Variants in MSH3 observed in about 807,000 individuals in gnomAD.
MSH3 encodes DNA mismatch repair protein Msh3.
In MSH3, 106 loss-of-function variants were observed where a neutral mutation model predicts 123.3. That is an observed-to-expected ratio of 0.86 (90% CI 0.73 to 1.01). MSH3 has a LOEUF of 1.01. Among genes scored for constraint, MSH3 ranks in the 50% least tolerant of loss-of-function variants. MSH3 has a pLI of 0.00. For synonymous variants in MSH3, 515 were observed against 481.4 expected (o/e 1.07, Z -0.91); for missense variants, 1,459 against 1,347.6 (o/e 1.08, Z -1.29).
chr5:80,690,947 C>T (rs967244904), intron 8 of MSH3, among the ~76,000 whole-genome samples: 5 of 151,832 alleles, frequency 3.3e-5, no homozygotes, highest in Non-Finnish European at 5.9e-5. Flanking sequence ...GCCTTCTAAT[C>T]CTCTCTCCAA....
intron 8 of MSH3, among the ~76,000 whole-genome samples, chr5:80,699,971 C>T (rs961533346): frequency 2.0e-5 from 3 of 152,198 alleles, no homozygotes; most frequent in African/African-American, 7.2e-5. Flanking sequence ...CCATTTTCCT[C>T]ATTCCTCTTT....
At chr5:80,714,792 C>T (rs1750925843) in intron 8 of MSH3, among the ~76,000 whole-genome samples, 1 of 152,180 alleles carries the variant, frequency 6.6e-6, no homozygotes, top group Non-Finnish European at 1.5e-5. Context: ...CATGTAAGGT[C>T]ATTCGTTTTT....
intron 8 of MSH3, among the ~76,000 whole-genome samples, chr5:80,700,784 T>C (rs1017536531): frequency 1.1e-4 from 16 of 152,128 alleles, no homozygotes; most frequent in African/African-American, 3.9e-4. Context: ...AAAGAAAAAA[T>C]GGGGTGTATT....
At chr5:80,835,243 G>A (rs1243452696) in intron 20 of MSH3, among the ~76,000 whole-genome samples, 1 of 152,210 alleles carries the variant, frequency 6.6e-6, no homozygotes, top group Non-Finnish European at 1.5e-5. Flanking sequence ...GCTTGTCTAT[G>A]TCAGACCATC....
At chr5:80,697,724 T>C (rs1750514098) in intron 8 of MSH3, among the ~76,000 whole-genome samples, 1 of 152,100 alleles carries the variant, frequency 6.6e-6, no homozygotes, top group South Asian at 2.1e-4. Flanking sequence ...AAATCCAAAC[T>C]TGAGATGTAG....
chr5:80,739,687 G>A (rs1219114270), intron 10 of MSH3, among the ~76,000 whole-genome samples: 6 of 152,124 alleles, frequency 3.9e-5, no homozygotes, highest in African/African-American at 1.2e-4. Flanking sequence ...ACAGATTATC[G>A]TTCTTTGGAA....
intron 8 of MSH3, among the ~76,000 whole-genome samples, chr5:80,715,683 A>G (rs1750945266): frequency 1.3e-5 from 2 of 152,246 alleles, no homozygotes; most frequent in African/African-American, 4.8e-5. Flanking sequence ...GGAAACTTAC[A>G]GTCGTGGCAG....
At chr5:80,785,887 A>G (rs1292653040) in intron 17 of MSH3, among the ~76,000 whole-genome samples, 1 of 152,010 alleles carries the variant, frequency 6.6e-6, no homozygotes, top group Non-Finnish European at 1.5e-5. Flanking sequence ...AAACTATCAC[A>G]AGAACAAAAA....
At chr5:80,829,369 G>GT (rs1163855501) in intron 20 of MSH3, among the ~76,000 whole-genome samples, 1 of 152,106 alleles carries the variant, frequency 6.6e-6, no homozygotes, top group East Asian at 1.9e-4. Context: ...TTAGCTATAG[G>GT]TTTTTTTGTG....
chr5:80,658,485 A>C (rs2112803905), intron 2 of MSH3, among the ~76,000 whole-genome samples: 1 of 152,356 alleles, frequency 6.6e-6, no homozygotes, highest in Non-Finnish European at 1.5e-5. Flanking sequence ...AAATAAGACA[A>C]CACACTTGGC....
chr5:80,699,329 T>C (rs1750553913), intron 8 of MSH3, among the ~76,000 whole-genome samples: 1 of 152,014 alleles, frequency 6.6e-6, no homozygotes, highest in African/African-American at 2.4e-5. Context: ...GAGGACGAGA[T>C]GGGTGGATCA....
chr5:80,779,930 G>A (rs1580046730), intron 17 of MSH3, among the ~76,000 whole-genome samples: 1 of 151,994 alleles, frequency 6.6e-6, no homozygotes, highest in African/African-American at 2.4e-5. Context: ...CCCCGCCACC[G>A]GCTTTAGATT....
At chr5:80,729,458 G>GTATATA (rs1250723529) in intron 10 of MSH3, among the ~76,000 whole-genome samples, 2 of 81,572 alleles carry the variant, frequency 2.5e-5, no homozygotes, top group South Asian at 4.6e-4. Flanking sequence ...GTGTGTGTGT[G>GTATATA]TGTATATATA....
intron 10 of MSH3, among the ~76,000 whole-genome samples, chr5:80,739,219 C>T (rs1179086764): frequency 6.6e-6 from 1 of 152,222 alleles, no homozygotes; most frequent in Non-Finnish European, 1.5e-5. Context: ...CATATCTAAA[C>T]ACATAGGTAA....
intron 10 of MSH3, among the ~76,000 whole-genome samples, chr5:80,740,028 G>A (rs1406358763): frequency 1.3e-5 from 2 of 152,180 alleles, no homozygotes; most frequent in Non-Finnish European, 2.9e-5. Flanking sequence ...GTGACCTGCT[G>A]TTATTTTCCT....
chr5:80,848,530 A>C (rs1745764724), intron 20 of MSH3, among the ~76,000 whole-genome samples: 1 of 152,148 alleles, frequency 6.6e-6, no homozygotes. Context: ...TATTGGACTT[A>C]CAGTTCCACA....
intron 20 of MSH3, among the ~76,000 whole-genome samples, chr5:80,825,621 G>A (rs553962924): frequency 6.6e-6 from 1 of 152,222 alleles, no homozygotes; most frequent in African/African-American, 2.4e-5. Flanking sequence ...TTGTTGGATT[G>A]TAAGGAACAT....
chr5:80,681,497 A>G (rs1272212435), intron 8 of MSH3, among the ~76,000 whole-genome samples: 1 of 152,032 alleles, frequency 6.6e-6, no homozygotes, highest in Admixed American at 6.5e-5. Flanking sequence ...ATGGATATTC[A>G]TCATAACAGT....
intron 20 of MSH3, among the ~76,000 whole-genome samples, chr5:80,846,093 G>A (rs1331100922): frequency 1.3e-5 from 2 of 152,040 alleles, no homozygotes; most frequent in African/African-American, 2.4e-5. Context: ...ATTTTGGTGT[G>A]GATGTCCTTT....
Sources: gnomAD v4.1 joint callset for allele counts (sites outside exome capture counted in the v4.1 genomes callset) on GRCh38, gnomAD v4.1.1 for gene constraint, MANE v1.5 for transcripts, NCBI Gene and HGNC (gene_info 2026-07-23, HGNC 2026-07-21) for gene names.